The following GRIK4 variants were observed in gnomAD, a reference collection of about 807,000 sequenced individuals.
GRIK4 encodes glutamate ionotropic receptor kainate type subunit 4.
Under a neutral mutation model 104.9 loss-of-function variants are expected in GRIK4, and 40 were observed. The ratio of observed to expected loss-of-function variants is 0.38; its 90% confidence interval spans 0.30 to 0.50. GRIK4 has a LOEUF of 0.50. Among genes scored for constraint, GRIK4 ranks in the 20% least tolerant of loss-of-function variants. The probability of loss-of-function intolerance (pLI) is 0.93; values close to 1 mark genes in which losing one functional copy is unlikely to be tolerated. For synonymous variants in GRIK4, 485 were observed against 524.9 expected (o/e 0.92, Z 1.04); for missense variants, 1,047 against 1,308.1 (o/e 0.80, Z 3.08).
chr11:120,891,664 G>T (rs1955300442), intron 11 of GRIK4, among the ~76,000 whole-genome samples: 1 of 152,186 alleles, frequency 6.6e-6, no homozygotes, highest in African/African-American at 2.4e-5. Flanking sequence ...GGCAGTCAAA[G>T]CTGGCCATGA....
At chr11:120,753,013 A>G (rs1407116844) in intron 3 of GRIK4, among the ~76,000 whole-genome samples, 5 of 152,226 alleles carry the variant, frequency 3.3e-5, no homozygotes, top group Non-Finnish European at 7.3e-5. Flanking sequence ...CCTTCAAGGA[A>G]GTGGTCCTGA....
intron 3 of GRIK4, among the ~76,000 whole-genome samples, chr11:120,690,180 C>T (rs565304407): frequency 6.6e-6 from 1 of 152,296 alleles, no homozygotes; most frequent in African/African-American, 2.4e-5. Flanking sequence ...ACCCTAAATG[C>T]TGAAGCATAG....
At chr11:120,561,594 T>C (rs1263559494) in intron 1 of GRIK4, among the ~76,000 whole-genome samples, 1 of 152,212 alleles carries the variant, frequency 6.6e-6, no homozygotes, top group Non-Finnish European at 1.5e-5. Context: ...GGGTCTCATA[T>C]ATAGAAAGGG....
intron 3 of GRIK4, among the ~76,000 whole-genome samples, chr11:120,773,505 A>G (rs1186196653): frequency 6.6e-6 from 1 of 152,248 alleles, no homozygotes; most frequent in African/African-American, 2.4e-5. Context: ...CTGAAGTGGT[A>G]AGCGTGCGAA....
intron 1 of GRIK4, among the ~76,000 whole-genome samples, chr11:120,523,646 A>C (rs1483216948): frequency 6.6e-6 from 1 of 152,226 alleles, no homozygotes; most frequent in African/African-American, 2.4e-5. Flanking sequence ...ACACCGACAC[A>C]GGGTCACACA....
chr11:120,923,704 C>T (rs994010551), intron 13 of GRIK4, among the ~76,000 whole-genome samples: 9 of 152,186 alleles, frequency 5.9e-5, no homozygotes, highest in African/African-American at 1.4e-4. Flanking sequence ...TGAGCCACTG[C>T]GCCCGGCCCC....
intron 3 of GRIK4, among the ~76,000 whole-genome samples, chr11:120,778,549 G>T (rs1952086959): frequency 6.6e-6 from 1 of 152,226 alleles, no homozygotes; most frequent in Admixed American, 6.5e-5. Flanking sequence ...TTCAAACACT[G>T]ATTTACCCTT....
At chr11:120,829,483 G>A (rs1030698054) in intron 6 of GRIK4, among the ~76,000 whole-genome samples, 1 of 152,176 alleles carries the variant, frequency 6.6e-6, no homozygotes, top group Non-Finnish European at 1.5e-5. Context: ...TGAGGGCAGG[G>A]ACTGTATGTG....
chr11:120,958,195 C>A (rs562996157), intron 16 of GRIK4, among the ~76,000 whole-genome samples: 3 of 152,364 alleles, frequency 2.0e-5, no homozygotes, highest in South Asian at 4.1e-4. Context: ...GCAGCTAGAA[C>A]CCCATTGCCC....
At position 120,555,282 on chromosome 11, in the gene GRIK4, A is replaced by G. The variant is rs2136098419; in HGVS notation, c.-159+43395A>G. Among the ~76,000 whole-genome samples the G allele has an allele frequency of 6.6e-6, 1 of 152,290 alleles. No individual in the cohort carries two copies. The highest frequency in any genetic ancestry group is 1.9e-4 in the East Asian group (1 of 5,170). On this transcript the variant is annotated intron_variant, in intron 1 of 20. Coordinates refer to ENST00000527524, the MANE Select transcript of GRIK4 (RefSeq NM_014619.5). The surrounding 1 kb of genome is among the most constrained non-coding windows in gnomAD (Gnocchi z 5.3). ...GCAAGTGGCTTCCTGTTTATGCATT[A>G]GGTCTGGGAGCTCTCATTACTGGCT...
At chr11:120,838,512 A>G (rs1000449297) in intron 8 of GRIK4, among the ~76,000 whole-genome samples, 1 of 151,890 alleles carries the variant, frequency 6.6e-6, no homozygotes, top group Admixed American at 6.6e-5. Flanking sequence ...TGGAATTAAC[A>G]GTTTGTAAGT....
intron 3 of GRIK4, among the ~76,000 whole-genome samples, chr11:120,725,099 A>G (rs1464841576): frequency 6.6e-6 from 1 of 152,206 alleles, no homozygotes; most frequent in Non-Finnish European, 1.5e-5. Context: ...TTAGGTATGC[A>G]GTTACAAATA....
intron 14 of GRIK4, among the ~76,000 whole-genome samples, chr11:120,946,873 T>C (rs1371081318): frequency 6.6e-6 from 1 of 152,152 alleles, no homozygotes; most frequent in African/African-American, 2.4e-5. Context: ...TAGATGATCT[T>C]TCAAGATCCT....
intron 11 of GRIK4, among the ~76,000 whole-genome samples, chr11:120,895,718 C>A (rs1021854738): frequency 6.6e-6 from 1 of 152,198 alleles, no homozygotes; most frequent in Non-Finnish European, 1.5e-5. Context: ...AGCCATTAAA[C>A]CTCTCTGAGC....
At chr11:120,566,173 T>A (rs1213855084) in intron 1 of GRIK4, among the ~76,000 whole-genome samples, 1 of 152,212 alleles carries the variant, frequency 6.6e-6, no homozygotes, top group Non-Finnish European at 1.5e-5. Context: ...AGGCAAAAAA[T>A]TCTTCATTTG....
At chr11:120,729,712 A>G (rs569894264) in intron 3 of GRIK4, among the ~76,000 whole-genome samples, 3 of 152,064 alleles carry the variant, frequency 2.0e-5, no homozygotes, top group Non-Finnish European at 4.4e-5. Context: ...TCTGTGGGTT[A>G]TCTCTTCAGT....
chr11:120,558,979 C>T (rs935939497), intron 1 of GRIK4, among the ~76,000 whole-genome samples: 1 of 152,118 alleles, frequency 6.6e-6, no homozygotes, highest in Non-Finnish European at 1.5e-5. Flanking sequence ...CATATTTTTG[C>T]TGTGTTTATT....
At chr11:120,586,338 G>A (rs1422924435) in intron 1 of GRIK4, among the ~76,000 whole-genome samples, 1 of 152,076 alleles carries the variant, frequency 6.6e-6, no homozygotes, top group African/African-American at 2.4e-5. Flanking sequence ...AAATTGAAAA[G>A]AGTTTAGAGT....
In GRIK4 at chr11:120,967,147, A is replaced by T. The variant is rs1256064609; in HGVS notation, c.2267-48A>T. ...GGGAAGGGGAGCAGAGTGACACCTA[A>T]CAGGGCATTCACAACCTGTGTCCTG... On this transcript the variant is annotated intron_variant, in intron 18 of 20. Coordinates refer to ENST00000527524, the MANE Select transcript of GRIK4 (RefSeq NM_014619.5). The surrounding 1 kb of genome is among the most constrained non-coding windows in gnomAD (Gnocchi z 4.2). 1 of 1,580,332 alleles carries T rather than the reference A, an allele frequency of 6.3e-7. No homozygotes were observed. The highest frequency in any genetic ancestry group is 8.6e-7 in the Non-Finnish European group (1 of 1,162,484).
Sources: allele counts gnomAD v4.1 joint callset (sites outside exome capture counted in the v4.1 genomes callset), GRCh38; gene constraint gnomAD v4.1.1; non-coding constraint Gnocchi (gnomAD v3.1); transcripts MANE v1.5; gene names NCBI Gene and HGNC (gene_info 2026-07-23, HGNC 2026-07-21).